Variants in PDGFD observed in about 807,000 individuals in gnomAD.
PDGFD encodes the protein platelet derived growth factor D, also known as platelet-derived growth factor D.
PDGFD carries 30 observed loss-of-function variants against 44.7 expected under a neutral mutation model. The ratio of observed to expected loss-of-function variants is 0.67; its 90% CI spans 0.50 to 0.91. PDGFD has a LOEUF of 0.91. Among genes scored for constraint, PDGFD ranks in the 40% least tolerant of loss-of-function variants. The pLI, the probability that PDGFD is intolerant of heterozygous loss-of-function variation, is 0.00. For synonymous variants in PDGFD, 173 were observed against 168.4 expected (o/e 1.03, Z -0.21); for missense variants, 445 against 457.8 (o/e 0.97, Z 0.25).
chr11:104,081,371 T>C lies in PDGFD; in HGVS notation c.125-81116A>G, dbSNP rs1861043170. On this transcript the variant is annotated intron_variant, in intron 1 of 6. Transcript: ENST00000393158. ...TTGATAGAAAATGGGTTGTTAATCT[T>C]CTTGGTAAGAGGTGAAGTTGCTTAT... 2.6e-5 allele frequency among the ~76,000 whole-genome samples: 4 copies of C among 152,308 alleles called. No homozygotes were observed. The South Asian group carries it at 8.3e-4, about 32-fold the overall frequency.
chr11:104,084,842 T>C (rs1487898071), intron 1 of PDGFD, among the ~76,000 whole-genome samples: 1 of 67,216 alleles, frequency 1.5e-5, no homozygotes, highest in Non-Finnish European at 2.5e-5. Flanking sequence ...ATATATGTAA[T>C]GTATATATTT....
At chr11:104,041,239 C>T (rs77820580) in intron 1 of PDGFD, among the ~76,000 whole-genome samples, 422 of 151,998 alleles carry the variant, frequency 2.8e-3, no homozygotes, top group African/African-American at 9.4e-3. Context: ...TGATTAGTAC[C>T]TTGTGGGGGT....
intron 6 of PDGFD, among the ~76,000 whole-genome samples, chr11:103,911,483 T>A (rs1858027691): frequency 1.3e-5 from 2 of 151,896 alleles, no homozygotes; most frequent in South Asian, 4.2e-4. Context: ...GTCAACAACA[T>A]CAAAGACCAA....
At chr11:104,086,155 G>T (rs367915117) in intron 1 of PDGFD, among the ~76,000 whole-genome samples, 2 of 152,272 alleles carry the variant, frequency 1.3e-5, no homozygotes, top group South Asian at 2.1e-4. Flanking sequence ...TGGACTAGAG[G>T]AGTAGCAGCA....
intron 1 of PDGFD, among the ~76,000 whole-genome samples, chr11:104,026,454 TATAA>T (rs1739194034): frequency 3.3e-5 from 5 of 152,238 alleles, no homozygotes; most frequent in Admixed American, 3.3e-4. Context: ...ACATATAGTT[TATAA>T]ATATACAAAT....
At chr11:104,074,942 T>G (rs1987491) in intron 1 of PDGFD, among the ~76,000 whole-genome samples, 70,515 of 151,648 alleles carry the variant, frequency 0.46, 18,023 homozygotes, top group African/African-American at 0.69. Context: ...GATAAATAAC[T>G]AAATAATTTA....
intron 6 of PDGFD, among the ~76,000 whole-genome samples, chr11:103,923,515 GA>G (rs1858257741): frequency 6.6e-6 from 1 of 152,210 alleles, no homozygotes; most frequent in East Asian, 1.9e-4. Context: ...ATCTTTCACA[GA>G]AACTCATTTC....
chr11:104,064,369 G>C (rs1860756953), intron 1 of PDGFD, among the ~76,000 whole-genome samples: 1 of 152,182 alleles, frequency 6.6e-6, no homozygotes, highest in Non-Finnish European at 1.5e-5. Flanking sequence ...TCTTTATACA[G>C]ATGCCAAATG....
At chr11:103,962,949 C>T (rs1422202943) in intron 3 of PDGFD, among the ~76,000 whole-genome samples, 1 of 152,096 alleles carries the variant, frequency 6.6e-6, no homozygotes, top group Admixed American at 6.5e-5. Flanking sequence ...TCACCTGTTA[C>T]AAATTCTAGA....
At chr11:104,059,582 TC>T (rs932153933) in intron 1 of PDGFD, among the ~76,000 whole-genome samples, 10 of 152,246 alleles carry the variant, frequency 6.6e-5, no homozygotes, top group African/African-American at 2.4e-4. Flanking sequence ...ATTGACCTTT[TC>T]CAATTTACAT....
intron 1 of PDGFD, among the ~76,000 whole-genome samples, chr11:104,161,945 A>AAGAGAGAGAG (rs111479124): frequency 7.3e-6 from 1 of 137,726 alleles, no homozygotes; most frequent in African/African-American, 2.7e-5. Flanking sequence ...GAACTAATCA[A>AAGAGAGAGAG]AGAGAGTGTG....
At chr11:103,934,981 A>G (rs1858464766) in intron 5 of PDGFD, among the ~76,000 whole-genome samples, 1 of 152,200 alleles carries the variant, frequency 6.6e-6, no homozygotes, top group Non-Finnish European at 1.5e-5. Context: ...GGCATAAAGG[A>G]AAACAATCCC....
chr11:104,025,308 AAGATTTTGACC>A (rs1307192784), intron 1 of PDGFD, among the ~76,000 whole-genome samples: 11 of 152,232 alleles, frequency 7.2e-5, no homozygotes, highest in African/African-American at 2.7e-4. Flanking sequence ...CCCAGGCATC[AAGATTTTGACC>A]AGATGGTATG....
intron 1 of PDGFD, among the ~76,000 whole-genome samples, chr11:104,101,502 C>T (rs1861380340): frequency 6.6e-6 from 1 of 152,070 alleles, no homozygotes. Context: ...TCATACTGCC[C>T]AAGGTAATTT....
At position 104,153,635 on chromosome 11, in the gene PDGFD, T is replaced by A. The variant is rs139961511; in HGVS notation, c.124+10169A>T. Among the ~76,000 whole-genome samples, 328 of 152,224 alleles carry A rather than the reference T, an allele frequency of 2.2e-3. 2 individuals are homozygous for A. The highest frequency in any genetic ancestry group is 7.6e-3 in the African/African-American group (315 of 41,538). Reference sequence around the variant, plus strand: ...TCTGGAAGAACAAAAACAAAAAGGATTAATATGATTAAGGAATTCACCATT... The same window carrying A: ...TCTGGAAGAACAAAAACAAAAAGGAATAATATGATTAAGGAATTCACCATT... On this transcript the variant is annotated intron_variant, in intron 1 of 6. Transcript: ENST00000393158.
In PDGFD at chr11:104,082,137, CAT is replaced by C. The variant is rs937501432; in HGVS notation, c.124+81665_124+81666del. Among the ~76,000 whole-genome samples, 4 of 123,254 alleles carry C rather than the reference CAT, an allele frequency of 3.2e-5. No homozygotes were observed. In the East Asian group the frequency reaches 1.0e-3, roughly 32 times the overall value. The allele number at this position is 123,254 out of a possible 152,430, so 80.9% of individuals were successfully genotyped here. ...TTGTTGATGTCCATATACATACATA[CAT>C]ATATATATATGAAAAACAAAGTCCA... is the stretch of plus-strand genomic sequence containing the variant. On this transcript the variant is annotated intron_variant, in intron 1 of 6. Coordinates refer to ENST00000393158, the MANE Select transcript of PDGFD (RefSeq NM_025208.5).
chr11:103,957,898 A>G (rs1442410667), intron 3 of PDGFD, among the ~76,000 whole-genome samples: 1 of 152,182 alleles, frequency 6.6e-6, no homozygotes, highest in Admixed American at 6.5e-5. Flanking sequence ...TGGTCATACC[A>G]TGGTGTTTGG....
In PDGFD at chr11:103,924,861, C is replaced by T. The variant is rs559086642; in HGVS notation, c.987+2051G>A. Among the ~76,000 whole-genome samples the T allele has an allele frequency of 3.2e-3, 483 of 152,202 alleles. 1 individual carries two copies. Among genetic ancestry groups the T allele is most frequent in the Non-Finnish European group, 5.1e-3 (350 of 68,006 alleles). ...TAAGTTGTGGGATACTTGTGCAGAACGTGCAGGTTTGTTACGTAGGTATAC... is the reference window on the plus strand; with the variant it reads ...TAAGTTGTGGGATACTTGTGCAGAATGTGCAGGTTTGTTACGTAGGTATAC... On this transcript the variant is annotated intron_variant, in intron 6 of 6. Transcript: ENST00000393158.
intron 1 of PDGFD, among the ~76,000 whole-genome samples, chr11:104,089,456 G>GT (rs971966494): frequency 1.6e-4 from 24 of 151,924 alleles, no homozygotes; most frequent in Middle Eastern, 3.4e-3. Flanking sequence ...TTACACTGTT[G>GT]TTTTTTTTCA....
Sources: gnomAD v4.1 joint callset for allele counts (sites outside exome capture counted in the v4.1 genomes callset) on GRCh38, gnomAD v4.1.1 for gene constraint, MANE v1.5 for transcripts, NCBI Gene and HGNC (gene_info 2026-07-23, HGNC 2026-07-21) for gene names.